Variants in CDH12 observed in about 807,000 individuals in gnomAD.
CDH12 encodes the protein cadherin-12.
CDH12 carries 41 observed loss-of-function variants against 74.1 expected under a neutral mutation model. The ratio of observed to expected loss-of-function variants is 0.55; its 90% confidence interval spans 0.43 to 0.72. The LOEUF (loss-of-function observed/expected upper bound fraction) is 0.72. Ranked by LOEUF, CDH12 falls within the 30% of genes least tolerant of loss-of-function variation. The pLI, the probability that CDH12 is intolerant of heterozygous loss-of-function variation, is 0.00. For synonymous variants in CDH12, 399 were observed against 355.0 expected (o/e 1.12, Z -1.39); for missense variants, 945 against 977.2 (o/e 0.97, Z 0.44).
At chr5:22,591,024 T>C (rs2126799238) in intron 1 of CDH12, among the ~76,000 whole-genome samples, 1 of 152,310 alleles carries the variant, frequency 6.6e-6, no homozygotes, top group Middle Eastern at 3.4e-3. Flanking sequence ...GTAACTCCCA[T>C]TAATGTTGCC....
intron 5 of CDH12, among the ~76,000 whole-genome samples, chr5:22,015,609 T>C (rs1020964476): frequency 6.6e-6 from 1 of 152,168 alleles, no homozygotes; most frequent in African/African-American, 2.4e-5. Context: ...CTTTGTTATA[T>C]CATCTAAGCA....
Position 21,865,250 on chromosome 5 carries a change from G to T in CDH12, c.527-10460C>A, listed in dbSNP as rs899159116. ...GAGAGGAGAGGATGATTTAAAGACA[G>T]AACTTAAAATTAAATTAAGGCAGAA... On this transcript the variant is annotated intron_variant, in intron 6 of 14. Coordinates refer to ENST00000382254, the MANE Select transcript of CDH12 (RefSeq NM_004061.5). Among the ~76,000 whole-genome samples the T allele has an allele frequency of 4.6e-4, 70 of 152,184 alleles. 1 individual carries two copies. The highest frequency in any genetic ancestry group is 5.8e-4 in the East Asian group (3 of 5,170).
chr5:22,400,338 G>A (rs1742675271), intron 3 of CDH12, among the ~76,000 whole-genome samples: 1 of 152,062 alleles, frequency 6.6e-6, no homozygotes, highest in African/African-American at 2.4e-5. Flanking sequence ...ATATTATATA[G>A]GGATCTTGGA....
At chr5:22,268,853 T>C (rs939698237) in intron 3 of CDH12, among the ~76,000 whole-genome samples, 1 of 152,132 alleles carries the variant, frequency 6.6e-6, no homozygotes, top group Non-Finnish European at 1.5e-5. Flanking sequence ...CTCGTATGCA[T>C]CATACTTTAC....
At chr5:22,161,115 A>G (rs9293012) in intron 4 of CDH12, among the ~76,000 whole-genome samples, 5,806 of 152,110 alleles carry the variant, frequency 0.038, 389 homozygotes, top group East Asian at 0.28. Flanking sequence ...AGTGTATAGA[A>G]TTGAGCTGTC....
At chr5:22,712,317 T>C (rs1203264542) in intron 1 of CDH12, among the ~76,000 whole-genome samples, 1 of 152,084 alleles carries the variant, frequency 6.6e-6, no homozygotes, top group Non-Finnish European at 1.5e-5. Context: ...AGTATATTCA[T>C]TGGTACTAAT....
chr5:22,707,779 G>A (rs1247545879), intron 1 of CDH12, among the ~76,000 whole-genome samples: 1 of 152,048 alleles, frequency 6.6e-6, no homozygotes, highest in Non-Finnish European at 1.5e-5. Context: ...TACATTTTGT[G>A]CTACACATAT....
chr5:22,151,561 A>G (rs1006407963), intron 4 of CDH12, among the ~76,000 whole-genome samples: 6 of 152,176 alleles, frequency 3.9e-5, no homozygotes, highest in African/African-American at 1.2e-4. Flanking sequence ...TCCACTGCCA[A>G]TAATTTTGTT....
At chr5:22,649,252 G>A (rs896904002) in intron 1 of CDH12, among the ~76,000 whole-genome samples, 4 of 151,940 alleles carry the variant, frequency 2.6e-5, no homozygotes, top group African/African-American at 4.8e-5. Flanking sequence ...TTGCAACAGC[G>A]ATTATTATGA....
chr5:21,995,660 C>A (rs1415471483), intron 5 of CDH12, among the ~76,000 whole-genome samples: 1 of 151,734 alleles, frequency 6.6e-6, no homozygotes, highest in Non-Finnish European at 1.5e-5. Context: ...GGAAGTATCA[C>A]CGTAATTCAC....
At chr5:22,257,503 T>TTATC (rs1270714040) in intron 3 of CDH12, among the ~76,000 whole-genome samples, 7 of 151,440 alleles carry the variant, frequency 4.6e-5, no homozygotes, top group Non-Finnish European at 1.5e-5. Context: ...ATTTATTTAT[T>TTATC]TATTTATTTA....
At chr5:21,766,997 C>A (rs1745062224) in intron 11 of CDH12, among the ~76,000 whole-genome samples, 1 of 151,686 alleles carries the variant, frequency 6.6e-6, no homozygotes. Context: ...CTCTTAAAAT[C>A]TATTATATAT....
intron 4 of CDH12, among the ~76,000 whole-genome samples, chr5:22,201,654 T>C (rs1004459004): frequency 3.3e-4 from 51 of 152,254 alleles, no homozygotes; most frequent in African/African-American, 1.1e-3. Flanking sequence ...ATTGTACTTG[T>C]ACCCCTTAAA....
intron 2 of CDH12, among the ~76,000 whole-genome samples, chr5:22,435,943 T>C (rs1165125581): frequency 1.3e-5 from 2 of 151,808 alleles, no homozygotes; most frequent in Non-Finnish European, 2.9e-5. Flanking sequence ...CCACCCATCA[T>C]GGTGTCTTTA....
chr5:22,193,052 C>T (rs1268226766), intron 4 of CDH12, among the ~76,000 whole-genome samples: 1 of 152,176 alleles, frequency 6.6e-6, no homozygotes, highest in African/African-American at 2.4e-5. Context: ...TTTAGTAAGA[C>T]ACTCAGGTTA....
chr5:22,456,127 AT>A (rs1745259602), intron 2 of CDH12, among the ~76,000 whole-genome samples: 2 of 117,308 alleles, frequency 1.7e-5, no homozygotes, highest in African/African-American at 6.1e-5. Context: ...ATATATATAT[AT>A]ATATATAAAA....
intron 1 of CDH12, among the ~76,000 whole-genome samples, chr5:22,635,260 G>A (rs1074463): frequency 0.2 from 30,903 of 151,940 alleles, 3,842 homozygotes; most frequent in Admixed American, 0.35. Flanking sequence ...TTTTCTTTTC[G>A]ACAGTGAGTG....
intron 6 of CDH12, among the ~76,000 whole-genome samples, chr5:21,873,374 A>G (rs1396938494): frequency 6.6e-6 from 1 of 152,182 alleles, no homozygotes; most frequent in East Asian, 1.9e-4. Flanking sequence ...ATCAGAAGAG[A>G]CATATGCTGG....
chr5:21,837,391 A>G (rs764691028), intron 8 of CDH12, among the ~76,000 whole-genome samples: 48 of 152,220 alleles, frequency 3.2e-4, no homozygotes, highest in African/African-American at 8.4e-4. Context: ...ATGCTTTACA[A>G]TTAGTAAATT....
Sources: gnomAD v4.1 joint callset for allele counts (sites outside exome capture counted in the v4.1 genomes callset) on GRCh38, gnomAD v4.1.1 for gene constraint, MANE v1.5 for transcripts, NCBI Gene and HGNC (gene_info 2026-07-23, HGNC 2026-07-21) for gene names.